The following USP43 variants were observed in gnomAD, a reference collection of about 807,000 sequenced individuals.
USP43 encodes the protein ubiquitin specific peptidase 43.
USP43 carries 33 observed loss-of-function variants against 90.7 expected under a neutral mutation model. The observed-to-expected ratio is 0.36, with a 90% CI of 0.28 to 0.49. USP43 has a LOEUF of 0.49. Among genes scored for constraint, USP43 ranks in the 20% least tolerant of loss-of-function variants. The pLI is 0.98. For missense variants in USP43, 1,274 were observed against 1,476.4 expected (o/e 0.86, Z 2.25); for synonymous variants, 598 against 615.8 (o/e 0.97, Z 0.43).
intron 1 of USP43, among the ~76,000 whole-genome samples, chr17:9,654,177 T>G (rs541662087): frequency 3.9e-5 from 6 of 152,298 alleles, no homozygotes; most frequent in Admixed American, 3.9e-4. Flanking sequence ...TGACTTTTAA[T>G]TGCAGATAAA....
chr17:9,683,356 A>G (rs1417379430), intron 7 of USP43, among the ~76,000 whole-genome samples: 1 of 150,978 alleles, frequency 6.6e-6, no homozygotes, highest in Non-Finnish European at 1.5e-5. Context: ...TTGATGGGTT[A>G]TATAACAAAT....
intron 1 of USP43, among the ~76,000 whole-genome samples, chr17:9,649,525 T>G (rs1020669774): frequency 1.9e-4 from 29 of 152,146 alleles, no homozygotes; most frequent in African/African-American, 6.5e-4. Context: ...CCTTGTCCCC[T>G]GCCTCCCTCC....
chr17:9,675,052 G>T (rs879198573), intron 4 of USP43, 69 bp downstream of exon 4: 9 of 1,344,166 alleles, frequency 6.7e-6, no homozygotes, highest in South Asian at 1.2e-5. Context: ...GAAGCTTCTG[G>T]CCTCACACCT....
chr17:9,646,078 C>T lies in USP43; in HGVS notation c.446C>T (p.Ala149Val), dbSNP rs1229525997. Reference sequence around the variant, plus strand: ...GCCGAGGTCACCGAGCAGCTGGCGGCGCTGGTGCGCGCGCTCTGGACTCGC... The same window carrying T: ...GCCGAGGTCACCGAGCAGCTGGCGGTGCTGGTGCGCGCGCTCTGGACTCGC... ...GRAEVTEQLA[A>V]LVRALWTREY... The change falls in exon 1 of 15, where the codon GCG becomes GTG. Residue 149 changes from alanine to valine, a missense_variant. Ala to Val is a moderately conservative substitution (Grantham distance 64). Transcript: ENST00000285199. 2 of 1,505,850 alleles carry T rather than the reference C, an allele frequency of 1.3e-6. No homozygotes were observed. Among genetic ancestry groups the T allele is most frequent in the Admixed American group, 2.2e-5 (1 of 44,782 alleles). 93.3% of individuals were successfully genotyped at this position (1,505,850 alleles called of 1,614,324 possible). A position where few individuals can be genotyped will look rare whatever the true frequency, so the allele number is the denominator to read the frequency against.
At position 9,645,720 on chromosome 17, in the gene USP43, C is replaced by T. The variant is rs1434204489; in HGVS notation, c.88C>T (p.Arg30Cys). ...RRRSLRRLFSRFLLALGSRSR... is the reference protein window; with the variant it reads ...RRRSLRRLFSCFLLALGSRSR... ...CCGCTCCCTGCGCCGCCTGTTCAGC[C>T]GCTTCCTGCTGGCGCTGGGCAGCCG... is the stretch of plus-strand genomic sequence containing the variant. The change falls in exon 1 of 15, where the codon CGC becomes TGC. Residue 30 changes from arginine (R) to cysteine (C), a missense_variant. Coordinates refer to ENST00000285199, the MANE Select transcript of USP43 (RefSeq NM_153210.5). The surrounding 1 kb of genome is among the most constrained non-coding windows in gnomAD (Gnocchi z 6.8). 5.9e-6 allele frequency: 8 copies of T among 1,358,422 alleles called. No individual in the cohort carries two copies. Among genetic ancestry groups the T allele is most frequent in the Non-Finnish European group, 7.5e-6 (8 of 1,061,474 alleles). The allele number at this position is 1,358,422 out of a possible 1,614,324, so 84.1% of individuals were successfully genotyped here. A position where few individuals can be genotyped will look rare whatever the true frequency, so the allele number is the denominator to read the frequency against.
chr17:9,684,546 C>T (rs1914486710), intron 7 of USP43, among the ~76,000 whole-genome samples: 1 of 151,354 alleles, frequency 6.6e-6, no homozygotes, highest in African/African-American at 2.4e-5. Context: ...GGCGGATCAC[C>T]TGAGGTCAGG....
chr17:9,675,299 G>A (rs1283000479), intron 4 of USP43, among the ~76,000 whole-genome samples: 2 of 152,230 alleles, frequency 1.3e-5, no homozygotes, highest in South Asian at 2.1e-4. Flanking sequence ...GAGAAAATCC[G>A]TGGCCACCTG....
chr17:9,706,075 A>C (rs930046320), intron 12 of USP43, among the ~76,000 whole-genome samples: 3 of 152,176 alleles, frequency 2.0e-5, no homozygotes, highest in Non-Finnish European at 2.9e-5. Context: ...TGTAAGTTGA[A>C]TATTTAGGTT....
intron 8 of USP43, among the ~76,000 whole-genome samples, chr17:9,689,415 T>A: frequency 7.2e-6 from 1 of 139,082 alleles, no homozygotes; most frequent in African/African-American, 3.3e-5. Flanking sequence ...AATGCCAATT[T>A]TTTTTTTTTT....
chr17:9,683,856 G>C (rs568528373), intron 7 of USP43, among the ~76,000 whole-genome samples: 4 of 152,272 alleles, frequency 2.6e-5, no homozygotes, highest in Admixed American at 6.5e-5. Flanking sequence ...AGGTTGACTA[G>C]AGAGGTAACT....
chr17:9,705,477 G>A (rs571534007), intron 12 of USP43, among the ~76,000 whole-genome samples: 7 of 151,998 alleles, frequency 4.6e-5, no homozygotes, highest in Middle Eastern at 3.4e-3. Flanking sequence ...GCTGTCGGCC[G>A]GGCGTGGTGG....
At chr17:9,712,184 G>T in intron 14 of USP43, 52 bp downstream of exon 14, 2 of 1,500,674 alleles carry the variant, frequency 1.3e-6, no homozygotes, top group Non-Finnish European at 1.8e-6. Flanking sequence ...AATGTCTGTT[G>T]TTATTGCTCA....
chr17:9,667,961 G>A (rs1375606415), intron 3 of USP43, among the ~76,000 whole-genome samples: 3 of 152,158 alleles, frequency 2.0e-5, no homozygotes. Flanking sequence ...GGCAGAACCA[G>A]GATTTGTCCC....
rs1332995845 is a variant in USP43 at position 9,728,146 on chromosome 17, G to A, written c.2528G>A (p.Arg843Gln). The stretch of plus-strand genomic sequence containing the variant: ...TACTTGGAATCCAGACGAAGACCTC[G>A]GTCCACGAGCCAGTCCATTGTGTCG... ...VEYLESRRRP[R>Q]STSQSIVSLL... Residue 843 changes from arginine to glutamine, a missense_variant, in exon 15 of 15, where the codon CGG (arginine) becomes CAG (glutamine). Around this residue, in one of 6 missense-constraint regions of USP43, gnomAD observed 285 missense variants for 349.6 expected, o/e 0.82. Coordinates refer to ENST00000285199, the MANE Select transcript of USP43 (RefSeq NM_153210.5). The surrounding 1 kb of genome is among the most constrained non-coding windows in gnomAD (Gnocchi z 6.2). 2 of 1,613,828 alleles carry A rather than the reference G, an allele frequency of 1.2e-6. No individual in the cohort carries two copies. The highest frequency in any genetic ancestry group is 8.5e-7 in the Non-Finnish European group (1 of 1,179,862).
chr17:9,728,406 GA>G lies in USP43; in HGVS notation c.2789del (p.Asp930AlafsTer6), dbSNP rs754855554. The G allele has an allele frequency of 6.2e-7, 1 of 1,608,956 alleles. No individual in the cohort carries two copies. Among genetic ancestry groups the G allele is most frequent in the East Asian group, 2.2e-5 (1 of 44,660 alleles). On this transcript the variant is annotated frameshift_variant, in exon 15 of 15. Coordinates refer to ENST00000285199, the MANE Select transcript of USP43 (RefSeq NM_153210.5). LOFTEE classifies it low-confidence loss of function (END_TRUNC). This position sits in a 1 kb window ranked among gnomAD's most constrained non-coding sequence, Gnocchi z 6.2. ...GQDIKLPRKF[D>X]LPLTVMPSVE... ...GGACATCAAGCTTCCCAGAAAGTTT[GA>G]CCTGCCTCTCACTGTGATGCCTTCA... is the stretch of plus-strand genomic sequence containing the variant.
At position 9,701,952 on chromosome 17, in the gene USP43, C is replaced by G. The variant is rs974006766; in HGVS notation, c.2011+252C>G. 1.3e-5 allele frequency among the ~76,000 whole-genome samples: 2 copies of G among 152,174 alleles called. No individual in the cohort carries two copies. Among genetic ancestry groups the G allele is most frequent in the Non-Finnish European group, 2.9e-5 (2 of 68,036 alleles). On this transcript the variant is annotated intron_variant, in intron 12 of 14. Coordinates refer to ENST00000285199, the MANE Select transcript of USP43 (RefSeq NM_153210.5). The surrounding 1 kb of genome is among the most constrained non-coding windows in gnomAD (Gnocchi z 7.2). ...CTGAGTCAGAAGGATGCCTGCAGCT[C>G]TCCAGGAACCCATAGGCAGGGCACG...
At chr17:9,689,047 G>T (rs1372721439) in intron 8 of USP43, among the ~76,000 whole-genome samples, 1 of 152,066 alleles carries the variant, frequency 6.6e-6, no homozygotes, top group African/African-American at 2.4e-5. Flanking sequence ...TACTAATACG[G>T]GCAACCTTTG....
chr17:9,709,389 C>G lies in USP43; in HGVS notation c.2012-567C>G, dbSNP rs1363244784. On this transcript the variant is annotated intron_variant, in intron 12 of 14. Transcript: ENST00000285199. The surrounding 1 kb of genome is among the most constrained non-coding windows in gnomAD (Gnocchi z 5.0). Reference sequence around the variant, plus strand: ...GAGCTCCCTTTTATTTGAGATTTTGCCTGATGAAGGGGTAGAATATTCAAC... The same window carrying G: ...GAGCTCCCTTTTATTTGAGATTTTGGCTGATGAAGGGGTAGAATATTCAAC... 6.6e-6 allele frequency among the ~76,000 whole-genome samples: 1 copy of G among 152,026 alleles called. No homozygotes were observed. Among genetic ancestry groups the G allele is most frequent in the Non-Finnish European group, 1.5e-5 (1 of 68,008 alleles).
intron 4 of USP43, 109 bp from the exon 5 acceptor site, chr17:9,676,637 G>T: frequency 7.3e-7 from 1 of 1,363,494 alleles, no homozygotes; most frequent in Admixed American, 2.8e-5. Flanking sequence ...CTCCCAAAAT[G>T]CTAGGATTAC....
Sources: gnomAD v4.1 joint callset for allele counts (sites outside exome capture counted in the v4.1 genomes callset) on GRCh38, gnomAD v4.1.1 for gene constraint, gnomAD v4.1.1 regional missense constraint, Gnocchi (gnomAD v3.1) non-coding constraint, MANE v1.5 for transcripts, NCBI Gene and HGNC (gene_info 2026-07-23, HGNC 2026-07-21) for gene names.